Variants in CCDC192 observed in about 807,000 individuals in gnomAD.
The protein encoded by CCDC192 is coiled-coil domain-containing protein 192.
intron 3 of CCDC192, among the ~76,000 whole-genome samples, chr5:127,766,647 A>C (rs1294766170): frequency 6.8e-6 from 1 of 147,188 alleles, no homozygotes; most frequent in Non-Finnish European, 1.5e-5. Flanking sequence ...ACGAACTCTA[A>C]AGTTTCACTT....
At chr5:127,821,694 C>G (rs1749299565) in intron 5 of CCDC192, among the ~76,000 whole-genome samples, 1 of 152,178 alleles carries the variant, frequency 6.6e-6, no homozygotes, top group Non-Finnish European at 1.5e-5. Context: ...AAAAAGGGAA[C>G]CTGGGAGATC....
At chr5:127,853,787 C>G (rs1218029703) in intron 5 of CCDC192, among the ~76,000 whole-genome samples, 2 of 152,034 alleles carry the variant, frequency 1.3e-5, no homozygotes, top group South Asian at 2.1e-4. Flanking sequence ...AGCAAACAAA[C>G]AAACAAACAA....
intron 5 of CCDC192, among the ~76,000 whole-genome samples, chr5:127,843,420 A>C (rs1750385803): frequency 1.3e-5 from 2 of 149,756 alleles, no homozygotes; most frequent in Admixed American, 1.3e-4. Flanking sequence ...TCATTTACAC[A>C]GTAATTATCC....
At chr5:127,737,574 T>C (rs1454508888) in intron 2 of CCDC192, among the ~76,000 whole-genome samples, 1 of 151,634 alleles carries the variant, frequency 6.6e-6, no homozygotes, top group African/African-American at 2.4e-5. Flanking sequence ...TAAGTCTCTT[T>C]GTAGGTCACT....
chr5:127,786,528 T>C (rs1756547366), intron 3 of CCDC192: 1 of 641,762 alleles, frequency 1.6e-6, no homozygotes, highest in Non-Finnish European at 2.9e-6. Flanking sequence ...ACCTGTTTAT[T>C]CAGTGGCCTA....
At chr5:127,815,807 G>A (rs900329729) in intron 5 of CCDC192, among the ~76,000 whole-genome samples, 21 of 152,040 alleles carry the variant, frequency 1.4e-4, no homozygotes, top group African/African-American at 2.9e-4. Context: ...GGCGGAGCTT[G>A]CAGTGAGAGT....
At chr5:127,870,273 G>A (rs1411471842) in intron 5 of CCDC192, among the ~76,000 whole-genome samples, 1 of 152,114 alleles carries the variant, frequency 6.6e-6, no homozygotes, top group Non-Finnish European at 1.5e-5. Flanking sequence ...TTATTTCCTA[G>A]GGTCTCTAAA....
intron 2 of CCDC192, among the ~76,000 whole-genome samples, chr5:127,711,246 T>C (rs565089483): frequency 1.3e-5 from 2 of 152,330 alleles, no homozygotes; most frequent in African/African-American, 4.8e-5. Context: ...TGAAGTATTT[T>C]ACTCAGTGTG....
At chr5:127,728,774 C>T (rs116139905) in intron 2 of CCDC192, among the ~76,000 whole-genome samples, 2,454 of 152,200 alleles carry the variant, frequency 0.016, 61 homozygotes, top group African/African-American at 0.056. Context: ...GAGTCAAGAC[C>T]CATCAGTGTG....
At chr5:127,803,359 G>A (rs773312089) in intron 5 of CCDC192, among the ~76,000 whole-genome samples, 50 of 152,270 alleles carry the variant, frequency 3.3e-4, no homozygotes, top group Non-Finnish European at 5.1e-4. Flanking sequence ...TGGGCACCCA[G>A]GCTGAGCCAT....
upstream of CCDC192, among the ~76,000 whole-genome samples, chr5:127,703,079 T>C (rs1750772367): frequency 6.6e-6 from 1 of 152,208 alleles, no homozygotes; most frequent in Admixed American, 6.5e-5. Context: ...TTTCTGGGTG[T>C]GCACCCCTCT....
intron 3 of CCDC192, among the ~76,000 whole-genome samples, chr5:127,782,795 G>C (rs186865265): frequency 9.2e-5 from 14 of 151,636 alleles, no homozygotes; most frequent in African/African-American, 2.2e-4. Flanking sequence ...TTTTTTGTTT[G>C]TTTCAATTTC....
chr5:127,800,505 T>C (rs944077597), intron 5 of CCDC192, among the ~76,000 whole-genome samples: 2 of 151,972 alleles, frequency 1.3e-5, no homozygotes, highest in African/African-American at 4.8e-5. Flanking sequence ...CAGGCTGTTG[T>C]TGGTCATTTT....
chr5:127,862,290 G>A (rs931065366), intron 5 of CCDC192, among the ~76,000 whole-genome samples: 20 of 152,180 alleles, frequency 1.3e-4, no homozygotes, highest in African/African-American at 4.8e-4. Context: ...GTTCTCATGG[G>A]AACCTCCCCA....
chr5:127,822,706 C>T (rs771945421), intron 5 of CCDC192, among the ~76,000 whole-genome samples: 20 of 152,080 alleles, frequency 1.3e-4, no homozygotes, highest in Non-Finnish European at 1.9e-4. Flanking sequence ...TCAGAGGCTC[C>T]AGGAAGGACA....
chr5:127,851,915 T>C (rs1422701093), intron 5 of CCDC192, among the ~76,000 whole-genome samples: 1 of 152,246 alleles, frequency 6.6e-6, no homozygotes, highest in Non-Finnish European at 1.5e-5. Context: ...TTTGCCAGAA[T>C]ACTGTGTGTT....
chr5:127,762,250 C>T (rs1183087366), intron 3 of CCDC192, among the ~76,000 whole-genome samples: 3 of 152,132 alleles, frequency 2.0e-5, no homozygotes, highest in African/African-American at 7.2e-5. Flanking sequence ...TACTTTAATG[C>T]CATAAAATCA....
At chr5:127,900,122 C>T (rs142255073) in intron 6 of CCDC192, among the ~76,000 whole-genome samples, 323 of 152,080 alleles carry the variant, frequency 2.1e-3, no homozygotes, top group African/African-American at 7.4e-3. Context: ...GGATCAAATC[C>T]CAGCTTTGCT....
At chr5:127,836,035 T>A (rs1750020253) in intron 5 of CCDC192, among the ~76,000 whole-genome samples, 1 of 152,150 alleles carries the variant, frequency 6.6e-6, no homozygotes, top group Non-Finnish European at 1.5e-5. Context: ...ATAAGGCAAG[T>A]CCCTTATGCC....
Sources: allele counts gnomAD v4.1 joint callset (sites outside exome capture counted in the v4.1 genomes callset), GRCh38; gene constraint gnomAD v4.1.1; transcripts MANE v1.5; gene names NCBI Gene and HGNC (gene_info 2026-07-23, HGNC 2026-07-21).